The following TMEM255B variants were observed in gnomAD, a reference collection of about 807,000 sequenced individuals.
The protein encoded by TMEM255B is family with sequence similarity 70, member B.
TMEM255B carries 35 observed loss-of-function variants against 34.5 expected under a neutral mutation model. The ratio of observed to expected loss-of-function variants is 1.01; its 90% CI spans 0.77 to 1.34. The LOEUF (loss-of-function observed/expected upper bound fraction) is 1.34. TMEM255B is among the 40% of genes most tolerant of loss of function. The pLI is 0.00. For missense variants in TMEM255B, 432 were observed against 433.2 expected (o/e 1.00, Z 0.02); for synonymous variants, 206 against 201.2 (o/e 1.02, Z -0.20).
intron 1 of TMEM255B, among the ~76,000 whole-genome samples, chr13:113,759,756 G>A (rs1364110749): frequency 6.6e-6 from 1 of 152,172 alleles, no homozygotes; most frequent in East Asian, 1.9e-4. Flanking sequence ...GGAAGAGCGA[G>A]GTAGCCTTTT....
At chr13:113,784,728 C>A (rs1179173917) in intron 3 of TMEM255B, among the ~76,000 whole-genome samples, 1 of 152,040 alleles carries the variant, frequency 6.6e-6, no homozygotes, top group East Asian at 1.9e-4. Flanking sequence ...CCTCCTTATG[C>A]AAATTGCTCA....
At chr13:113,792,920 T>C (rs564598052) in intron 3 of TMEM255B, among the ~76,000 whole-genome samples, 4 of 152,368 alleles carry the variant, frequency 2.6e-5, no homozygotes, top group South Asian at 4.1e-4. Flanking sequence ...GTTTTGCTCA[T>C]GTCTGCGCCT....
intron 1 of TMEM255B, chr13:113,761,426 G>A (rs932137287): frequency 1.0e-6 from 1 of 959,010 alleles, no homozygotes; most frequent in African/African-American, 1.8e-5. Flanking sequence ...GAAGGGGAGA[G>A]CAGGTGGGAT....
intron 6 of TMEM255B, among the ~76,000 whole-genome samples, chr13:113,801,397 A>G (rs2051057100): frequency 6.6e-6 from 1 of 152,160 alleles, no homozygotes; most frequent in Admixed American, 6.5e-5. Flanking sequence ...CTGCCAGGCC[A>G]TCGAGGCGGA....
intron 7 of TMEM255B, among the ~76,000 whole-genome samples, chr13:113,802,203 A>G (rs1268788256): frequency 6.6e-6 from 1 of 152,082 alleles, no homozygotes; most frequent in African/African-American, 2.4e-5. Flanking sequence ...CAGAGGCGAG[A>G]CCCATACAGC....
chr13:113,761,927 T>C (rs779573035), intron 1 of TMEM255B, among the ~76,000 whole-genome samples: 1 of 152,118 alleles, frequency 6.6e-6, no homozygotes, highest in Non-Finnish European at 1.5e-5. Context: ...CTCAGGGAGA[T>C]TAAATGGCCG....
chr13:113,772,248 C>G (rs747557994), intron 3 of TMEM255B, among the ~76,000 whole-genome samples: 3 of 152,316 alleles, frequency 2.0e-5, no homozygotes, highest in Non-Finnish European at 4.4e-5. Context: ...AATCGCTTCT[C>G]AGATATGTGA....
chr13:113,777,761 C>T lies in TMEM255B; in HGVS notation c.252+8601C>T, dbSNP rs571999462. ...TAGGTCATGGGGGGAGCGAGGGCGGCGCTTCCTGCCACTGCCTTTGCCCTG... is the reference window on the plus strand; with the variant it reads ...TAGGTCATGGGGGGAGCGAGGGCGGTGCTTCCTGCCACTGCCTTTGCCCTG... On this transcript the variant is annotated intron_variant, in intron 3 of 8. Coordinates refer to ENST00000375353, the MANE Select transcript of TMEM255B (RefSeq NM_182614.4). Among the ~76,000 whole-genome samples, 335 of 152,336 alleles carry T rather than the reference C, an allele frequency of 2.2e-3. 2 individuals are homozygous for T. The highest frequency in any genetic ancestry group is 4.1e-3 in the Non-Finnish European group (278 of 68,022).
chr13:113,782,891 G>A (rs2050687283), intron 3 of TMEM255B, among the ~76,000 whole-genome samples: 1 of 152,166 alleles, frequency 6.6e-6, no homozygotes, highest in African/African-American at 2.4e-5. Context: ...GGCTTTTTGT[G>A]GAGCTGACTT....
At position 113,776,734 on chromosome 13, in the gene TMEM255B, G is replaced by A. The variant is rs148294995; in HGVS notation, c.252+7574G>A. On this transcript the variant is annotated intron_variant, in intron 3 of 8. Transcript: ENST00000375353. Reference sequence around the variant, plus strand: ...AGGGGTCGCTGACCTGGAGCTTCCCGACACAGTGGGCGCAGGCGACCTGTT... The same window carrying A: ...AGGGGTCGCTGACCTGGAGCTTCCCAACACAGTGGGCGCAGGCGACCTGTT... Among the ~76,000 whole-genome samples the A allele has an allele frequency of 6.4e-4, 98 of 152,318 alleles. 3 individuals carry two copies. In the East Asian group the frequency reaches 0.016, roughly 24 times the overall value.
rs1210926583 is a variant in TMEM255B at position 113,812,988 on chromosome 13, G to C, written c.*1085G>C. On this transcript the variant is annotated 3_prime_UTR_variant, in exon 9 of 9. Coordinates refer to ENST00000375353, the MANE Select transcript of TMEM255B (RefSeq NM_182614.4). ...GCCCCGGGTGGGTCACGGGTCCCGGGTGGGTCACGGGTCCCGAGTGGGTCA... is the reference window on the plus strand; with the variant it reads ...GCCCCGGGTGGGTCACGGGTCCCGGCTGGGTCACGGGTCCCGAGTGGGTCA... The C allele has an allele frequency of 4.3e-5, 6 of 139,730 alleles. No individual in the cohort carries two copies. The highest frequency in any genetic ancestry group is 2.0e-4 in the African/African-American group (6 of 30,502). The allele number at this position is 139,730 out of a possible 1,614,324, so 8.7% of individuals were successfully genotyped here. A position where few individuals can be genotyped will look rare whatever the true frequency, so the allele number is the denominator to read the frequency against.
At chr13:113,773,477 C>T (rs1346268890) in intron 3 of TMEM255B, among the ~76,000 whole-genome samples, 1 of 152,192 alleles carries the variant, frequency 6.6e-6, no homozygotes, top group East Asian at 1.9e-4. Flanking sequence ...AGGATAAAGA[C>T]CCAAGAGTGA....
intron 8 of TMEM255B, 100 bp downstream of exon 8, chr13:113,805,128 C>A: frequency 7.6e-7 from 1 of 1,321,620 alleles, no homozygotes; most frequent in South Asian, 1.7e-5. Flanking sequence ...CTTGCAGCCG[C>A]CTCACCTTCT....
At chr13:113,790,725 C>T (rs529109235) in intron 3 of TMEM255B, among the ~76,000 whole-genome samples, 18 of 149,008 alleles carry the variant, frequency 1.2e-4, no homozygotes, top group Non-Finnish European at 2.7e-4. Context: ...TGACCGGACA[C>T]GTGGACATCC....
chr13:113,785,980 T>G (rs72672418), intron 3 of TMEM255B, among the ~76,000 whole-genome samples: 16,283 of 152,220 alleles, frequency 0.11, 942 homozygotes, highest in South Asian at 0.17. Context: ...AGTCTCCCAC[T>G]TCGTGTTTCC....
At chr13:113,789,344 CG>C (rs1258252276) in intron 3 of TMEM255B, among the ~76,000 whole-genome samples, 2 of 152,148 alleles carry the variant, frequency 1.3e-5, no homozygotes. Flanking sequence ...TGGCAGTGGC[CG>C]TAGACATGCG....
chr13:113,781,887 A>G (rs981905033), intron 3 of TMEM255B, among the ~76,000 whole-genome samples: 7 of 152,236 alleles, frequency 4.6e-5, no homozygotes, highest in African/African-American at 1.7e-4. Context: ...CTTCAGGACA[A>G]AAATTTATCA....
intron 8 of TMEM255B, among the ~76,000 whole-genome samples, chr13:113,807,810 A>C (rs1341639504): frequency 4.6e-4 from 20 of 43,484 alleles, no homozygotes; most frequent in Admixed American, 1.2e-3. Flanking sequence ...CTATCACAGG[A>C]GGGCTTACGG....
Position 113,791,612 on chromosome 13 carries a change from C to T in TMEM255B, c.253-3536C>T, listed in dbSNP as rs114977289. Among the ~76,000 whole-genome samples the T allele has an allele frequency of 3.2e-3, 481 of 152,224 alleles. 1 individual carries two copies. Among genetic ancestry groups the T allele is most frequent in the African/African-American group, 9.8e-3 (409 of 41,550 alleles). On this transcript the variant is annotated intron_variant, in intron 3 of 8. Transcript: ENST00000375353. ...CTCCTGAGCTGAGGCGCTGTCTGAGCGAAAGATGTTTAGAGCCCCAAGTCC... is the reference window on the plus strand; with the variant it reads ...CTCCTGAGCTGAGGCGCTGTCTGAGTGAAAGATGTTTAGAGCCCCAAGTCC...
Sources: gnomAD v4.1 joint callset for allele counts (sites outside exome capture counted in the v4.1 genomes callset) on GRCh38, gnomAD v4.1.1 for gene constraint, MANE v1.5 for transcripts, NCBI Gene and HGNC (gene_info 2026-07-23, HGNC 2026-07-21) for gene names.